Variants in TMEM63C observed in about 807,000 individuals in gnomAD.
TMEM63C encodes osmosensitive cation channel TMEM63C.
TMEM63C carries 32 observed loss-of-function variants against 99.2 expected under a neutral mutation model. The observed-to-expected ratio is 0.32, with a 90% CI of 0.24 to 0.43. The LOEUF (loss-of-function observed/expected upper bound fraction) is 0.43, where lower values mean the gene tolerates loss of function less well. Among genes scored for constraint, TMEM63C ranks in the 20% least tolerant of loss-of-function variants. The pLI, the probability that TMEM63C is intolerant of heterozygous loss-of-function variation, is 1.00. For missense variants in TMEM63C, 826 were observed against 1,053.0 expected (o/e 0.78, Z 2.98); for synonymous variants, 376 against 397.9 (o/e 0.94, Z 0.66).
chr14:77,245,154 A>G (rs425310), intron 16 of TMEM63C, among the ~76,000 whole-genome samples: 114,475 of 152,224 alleles, frequency 0.75, 45,929 homozygotes, highest in East Asian at 0.9. Context: ...AACAAGACTT[A>G]TATTGATGAC....
chr14:77,246,174 C>T (rs1458371961), intron 17 of TMEM63C, 148 bp downstream of exon 17: 22 of 699,286 alleles, frequency 3.1e-5, no homozygotes, highest in African/African-American at 7.0e-5. Flanking sequence ...TAGCATGAGC[C>T]GGGCTTCCTG....
chr14:77,200,561 C>G (rs1888282605), intron 1 of TMEM63C, among the ~76,000 whole-genome samples: 1 of 152,238 alleles, frequency 6.6e-6, no homozygotes, highest in South Asian at 2.1e-4. Context: ...CACGAGGCAG[C>G]CAACGTGGCT....
In TMEM63C at chr14:77,247,959, GAA is replaced by G. The variant is rs1889292438; in HGVS notation, c.1602-385_1602-384del. Among the ~76,000 whole-genome samples the G allele has an allele frequency of 4.6e-5, 7 of 152,238 alleles. No homozygotes were observed. In the South Asian group the frequency reaches 1.5e-3, roughly 32 times the overall value. On this transcript the variant is annotated intron_variant, in intron 18 of 23. Coordinates refer to ENST00000298351, the MANE Select transcript of TMEM63C (RefSeq NM_020431.4). ...TGCTAAATTTCAGTTAGAGATTAGT[GAA>G]AATAAAGATGTTATTTTTTCCCATC...
At chr14:77,213,292 CA>C (rs1302704352) in intron 1 of TMEM63C, among the ~76,000 whole-genome samples, 153 bp from the exon 2 acceptor site, 4 of 152,110 alleles carry the variant, frequency 2.6e-5, no homozygotes, top group African/African-American at 9.7e-5. Flanking sequence ...AGCAATAGGC[CA>C]GGGGGAAACT....
At chr14:77,256,406 C>A in intron 23 of TMEM63C, 120 bp from the exon 24 acceptor site, 1 of 951,808 alleles carries the variant, frequency 1.1e-6, no homozygotes, top group Non-Finnish European at 1.6e-6. Context: ...GGGAAGAAGG[C>A]AGGCTCCAAG....
At chr14:77,238,191 C>T (rs1889093674) in intron 9 of TMEM63C, among the ~76,000 whole-genome samples, 1 of 152,224 alleles carries the variant, frequency 6.6e-6, no homozygotes, top group African/African-American at 2.4e-5. Context: ...CCTACCCTCT[C>T]CCCAGAGTCT....
intron 2 of TMEM63C, among the ~76,000 whole-genome samples, chr14:77,218,230 TAA>T (rs67676073): frequency 3.0e-5 from 4 of 135,516 alleles, no homozygotes; most frequent in South Asian, 2.5e-4. Flanking sequence ...CCACAGAAGT[TAA>T]AAAAAAAAGA....
intron 1 of TMEM63C, among the ~76,000 whole-genome samples, chr14:77,184,671 T>C (rs1463268148): frequency 1.3e-5 from 2 of 152,090 alleles, no homozygotes; most frequent in Non-Finnish European, 2.9e-5. Flanking sequence ...TTGCCTGAGG[T>C]GGGGCCCCAA....
chr14:77,188,338 G>A (rs142780872), intron 1 of TMEM63C, among the ~76,000 whole-genome samples: 54 of 152,334 alleles, frequency 3.5e-4, no homozygotes, highest in African/African-American at 1.2e-3. Context: ...GGGGAATGGT[G>A]TGGGTAAACA....
intron 10 of TMEM63C, 83 bp from the exon 11 acceptor site, chr14:77,239,329 A>AG: frequency 1.4e-6 from 2 of 1,433,490 alleles, no homozygotes; most frequent in East Asian, 2.3e-5. Context: ...CCCAGCCCTC[A>AG]GGGCCGACAT....
At chr14:77,238,139 T>C (rs564995133) in intron 9 of TMEM63C, among the ~76,000 whole-genome samples, 5 of 152,152 alleles carry the variant, frequency 3.3e-5, no homozygotes, top group Non-Finnish European at 5.9e-5. Context: ...CAGGAAGATA[T>C]TTCCCATTCA....
chr14:77,201,615 C>T (rs1325505570), intron 1 of TMEM63C, among the ~76,000 whole-genome samples: 1 of 152,206 alleles, frequency 6.6e-6, no homozygotes, highest in Non-Finnish European at 1.5e-5. Flanking sequence ...AGGCGCTACC[C>T]AAGACCTGTT....
chr14:77,212,897 C>A (rs1202739321), intron 1 of TMEM63C, among the ~76,000 whole-genome samples: 1 of 152,226 alleles, frequency 6.6e-6, no homozygotes, highest in African/African-American at 2.4e-5. Flanking sequence ...GGGGTCCTCC[C>A]AGGCAGAAGG....
chr14:77,249,578 C>T (rs1459143992), intron 21 of TMEM63C, 120 bp downstream of exon 21: 2 of 1,105,232 alleles, frequency 1.8e-6, no homozygotes, highest in Non-Finnish European at 2.6e-6. Context: ...GCTCACCAGA[C>T]CTGGCCACAC....
chr14:77,202,318 A>G (rs964572979), intron 1 of TMEM63C, among the ~76,000 whole-genome samples: 3 of 151,946 alleles, frequency 2.0e-5, no homozygotes, highest in Non-Finnish European at 4.4e-5. Context: ...ACACAAACAC[A>G]TTGACAGACA....
chr14:77,248,752 T>A lies in TMEM63C; in HGVS notation c.1765-15T>A. On this transcript the variant is annotated splice_polypyrimidine_tract_variant and intron_variant, in intron 19 of 23. Coordinates refer to ENST00000298351, the MANE Select transcript of TMEM63C (RefSeq NM_020431.4). ...GACTGGGCCACCTCAGGGTGACACC[T>A]GCCTTCTGCCCCAGAACCAGGCCAT... The A allele has an allele frequency of 1.2e-6, 2 of 1,612,490 alleles. No homozygotes were observed. Among genetic ancestry groups the A allele is most frequent in the Non-Finnish European group, 1.7e-6 (2 of 1,178,494 alleles).
chr14:77,216,589 C>CT (rs1888591050), intron 2 of TMEM63C, among the ~76,000 whole-genome samples: 1 of 152,210 alleles, frequency 6.6e-6, no homozygotes, highest in Non-Finnish European at 1.5e-5. Context: ...CCATCCTGCA[C>CT]TTTCTGCCTC....
chr14:77,219,038 G>A (rs4447349), intron 3 of TMEM63C, 75 bp downstream of exon 3: 215,202 of 1,401,386 alleles, frequency 0.15, 17,299 homozygotes, highest in South Asian at 0.19. Context: ...GATGCAGTGG[G>A]GGACCCAGTT....
Position 77,240,508 on chromosome 14 carries a change from G to T in TMEM63C, c.964G>T (p.Glu322Ter). The change falls in exon 13 of 24, where the codon GAG becomes TAG. Residue 322 changes from glutamate to a stop codon, truncating the protein, a stop_gained. Coordinates refer to ENST00000298351, the MANE Select transcript of TMEM63C (RefSeq NM_020431.4). LOFTEE classifies it high-confidence loss of function. ...AGAGCAGTATTACAGCGAGCTAGAG[G>T]AGCAGCTAACGGACGAGTTCAACGC... ...DAEQYYSELE[E>*]QLTDEFNAEL... 6.2e-7 allele frequency: 1 copy of T among 1,611,654 alleles called. No homozygotes were observed.
Sources: gnomAD v4.1 joint callset for allele counts (sites outside exome capture counted in the v4.1 genomes callset) on GRCh38, gnomAD v4.1.1 for gene constraint, MANE v1.5 for transcripts, NCBI Gene and HGNC (gene_info 2026-07-23, HGNC 2026-07-21) for gene names.